EIPR1: variants seen among roughly 807,000 people sequenced by gnomAD.
EIPR1 encodes the protein EARP complex and GARP complex interacting protein 1.
A neutral mutation model predicts 48.1 loss-of-function variants in EIPR1; 25 were observed. That is an observed-to-expected ratio of 0.52 (90% CI 0.38 to 0.73). EIPR1 has a LOEUF of 0.73. Among genes scored for constraint, EIPR1 ranks in the 30% least tolerant of loss-of-function variants. The pLI is 0.00. For missense variants in EIPR1, 415 were observed against 506.2 expected (o/e 0.82, Z 1.73); for synonymous variants, 204 against 201.9 (o/e 1.01, Z -0.09).
intron 4 of EIPR1, among the ~76,000 whole-genome samples, chr2:3,250,669 T>C (rs1034291084): frequency 2.6e-5 from 4 of 152,224 alleles, no homozygotes; most frequent in Admixed American, 6.5e-5. Context: ...GTTGGAGGCA[T>C]GGCCTAGTGG....
chr2:3,296,033 C>G (rs1202607687), intron 3 of EIPR1, among the ~76,000 whole-genome samples: 5 of 126,898 alleles, frequency 3.9e-5, no homozygotes, highest in African/African-American at 1.5e-4. Context: ...AGCCCATCCT[C>G]TCTACTCACA....
At chr2:3,349,267 G>A (rs186810262) in intron 2 of EIPR1, among the ~76,000 whole-genome samples, 115 of 152,328 alleles carry the variant, frequency 7.5e-4, no homozygotes, top group African/African-American at 2.4e-3. Flanking sequence ...AACCTGTTCT[G>A]CTGACTGAGG....
At chr2:3,285,165 CCT>C (rs1445757560) in intron 3 of EIPR1, among the ~76,000 whole-genome samples, 1 of 152,188 alleles carries the variant, frequency 6.6e-6, no homozygotes, top group Non-Finnish European at 1.5e-5. Context: ...GCCCTCACTG[CCT>C]CTGTCTCCAC....
intron 2 of EIPR1, among the ~76,000 whole-genome samples, chr2:3,344,514 C>A (rs1367748685): frequency 6.6e-6 from 1 of 152,150 alleles, no homozygotes; most frequent in Admixed American, 6.5e-5. Flanking sequence ...TGACCCTGGG[C>A]AAGTCACTAA....
rs1284292948 is a variant in EIPR1, at chr2:3,338,114, A to G, written c.162T>C (p.Ile54=). Residue 54 remains isoleucine (I), a synonymous_variant, in exon 3 of 9, where the codon ATT becomes ATC. Coordinates refer to ENST00000382125, the MANE Select transcript of EIPR1 (RefSeq NM_003310.5). Reference sequence around the variant, plus strand: ...GATGGAGGAGGACATTTTTATTTATAATGTTGTTTTCATCGTCAAAATCTA... The same window carrying G: ...GATGGAGGAGGACATTTTTATTTATGATGTTGTTTTCATCGTCAAAATCTA... ...HIIDFDDENN[I]INKNVLLHQA... 6.2e-7 allele frequency: 1 copy of G among 1,612,242 alleles called. No homozygotes were observed. Among genetic ancestry groups the G allele is most frequent in the Non-Finnish European group, 8.5e-7 (1 of 1,179,738 alleles).
chr2:3,296,030 C>CT (rs1572408961), intron 3 of EIPR1, among the ~76,000 whole-genome samples: 2 of 128,820 alleles, frequency 1.6e-5, no homozygotes, highest in Non-Finnish European at 1.6e-5. Context: ...TCCAGCCCAT[C>CT]CTCTCTACTC....
At chr2:3,334,957 A>G (rs1363396363) in intron 3 of EIPR1, among the ~76,000 whole-genome samples, 1 of 152,232 alleles carries the variant, frequency 6.6e-6, no homozygotes, top group African/African-American at 2.4e-5. Context: ...ACGACCAACA[A>G]GACCAAGAGT....
At chr2:3,309,531 A>C (rs1489591139) in intron 3 of EIPR1, among the ~76,000 whole-genome samples, 1 of 152,214 alleles carries the variant, frequency 6.6e-6, no homozygotes, top group Non-Finnish European at 1.5e-5. Context: ...TATACCAATG[A>C]CAAGACAGAG....
chr2:3,204,075 A>G (rs571632371), intron 5 of EIPR1, among the ~76,000 whole-genome samples: 1 of 152,352 alleles, frequency 6.6e-6, no homozygotes, highest in Admixed American at 6.5e-5. Flanking sequence ...CAACAGACAG[A>G]CTAACACGAG....
At chr2:3,319,030 T>C (rs1669407842) in intron 3 of EIPR1, 6 of 454,202 alleles carry the variant, frequency 1.3e-5, no homozygotes, top group South Asian at 9.5e-5. Flanking sequence ...CCATAACATC[T>C]AATTTTACTT....
At chr2:3,205,627 A>G (rs1665203727) in intron 5 of EIPR1, among the ~76,000 whole-genome samples, 1 of 152,160 alleles carries the variant, frequency 6.6e-6, no homozygotes, top group African/African-American at 2.4e-5. Flanking sequence ...TAACTGTGGC[A>G]CCTCTAGTGC....
Position 3,217,282 on chromosome 2 carries a change from C to T in EIPR1, c.417-3034G>A, listed in dbSNP as rs114810397. Among the ~76,000 whole-genome samples, 286 of 152,330 alleles carry T rather than the reference C, an allele frequency of 1.9e-3. 2 individuals are homozygous for T. Among genetic ancestry groups the T allele is most frequent in the African/African-American group, 6.8e-3 (282 of 41,564 alleles). On this transcript the variant is annotated intron_variant, in intron 4 of 8. Coordinates refer to ENST00000382125, the MANE Select transcript of EIPR1 (RefSeq NM_003310.5). ...TGTACTCACAAAGCCATAAGAGCAA[C>T]ACTGTATTACAGTTTGTGTAAGGAG...
intron 3 of EIPR1, among the ~76,000 whole-genome samples, chr2:3,320,972 A>C (rs1359662428): frequency 1.3e-5 from 2 of 152,240 alleles, no homozygotes; most frequent in Non-Finnish European, 2.9e-5. Flanking sequence ...AAATGTTTTC[A>C]TTTCAAAACA....
chr2:3,236,138 A>G (rs1313202321), intron 4 of EIPR1, among the ~76,000 whole-genome samples: 1 of 152,180 alleles, frequency 6.6e-6, no homozygotes, highest in African/African-American at 2.4e-5. Context: ...AGAACTGAAC[A>G]ACCCTGTGAG....
chr2:3,284,326 C>T (rs575537099), intron 3 of EIPR1, among the ~76,000 whole-genome samples: 1 of 105,826 alleles, frequency 9.4e-6, no homozygotes, highest in South Asian at 3.5e-4. Flanking sequence ...CACGGCTGCA[C>T]GTAAGCTGGG....
rs141392034 is a variant in EIPR1 at position 3,318,366 on chromosome 2, G to A, written c.259+19651C>T. Among the ~76,000 whole-genome samples the A allele has an allele frequency of 5.1e-3, 777 of 152,324 alleles. 3 individuals are homozygous for A. The highest frequency in any genetic ancestry group is 0.011 in the Admixed American group (161 of 15,308). On this transcript the variant is annotated intron_variant, in intron 3 of 8. Transcript: ENST00000382125. Reference sequence around the variant, plus strand: ...GAGCAGGACGCCGTGAGGAGCCGTCGTGGGCTGCTCCAGGGACCAAGTCTT... The same window carrying A: ...GAGCAGGACGCCGTGAGGAGCCGTCATGGGCTGCTCCAGGGACCAAGTCTT...
intron 3 of EIPR1, among the ~76,000 whole-genome samples, chr2:3,270,877 T>C (rs1184339344): frequency 6.6e-6 from 1 of 152,244 alleles, no homozygotes; most frequent in Non-Finnish European, 1.5e-5. Context: ...TCATGAAAGA[T>C]TTCTCTAGCA....
At position 3,189,527 on chromosome 2, in the gene EIPR1, A is replaced by G. The variant is rs755549309; in HGVS notation, c.990-19T>C. ...CTTGCTCCTGCAATGCAACAGAGGC[A>G]GACGTGAGCGCAGCAGCTCCGGCGG... On this transcript the variant is annotated intron_variant, in intron 8 of 8. Coordinates refer to ENST00000382125, the MANE Select transcript of EIPR1 (RefSeq NM_003310.5). The surrounding 1 kb of genome is among the most constrained non-coding windows in gnomAD (Gnocchi z 4.6). 6.8e-5 allele frequency: 105 copies of G among 1,536,308 alleles called. No individual in the cohort carries two copies. In the East Asian group the frequency reaches 2.3e-3, roughly 34 times the overall value.
At chr2:3,214,412 T>C (rs1665559679) in intron 4 of EIPR1, 164 bp from the exon 5 acceptor site, 3 of 598,500 alleles carry the variant, frequency 5.0e-6, no homozygotes, top group South Asian at 4.0e-5. Context: ...GACAACACTG[T>C]TGTTGTCTCA....
Sources: gnomAD v4.1 joint callset for allele counts (sites outside exome capture counted in the v4.1 genomes callset) on GRCh38, gnomAD v4.1.1 for gene constraint, Gnocchi (gnomAD v3.1) non-coding constraint, MANE v1.5 for transcripts, NCBI Gene and HGNC (gene_info 2026-07-23, HGNC 2026-07-21) for gene names.